The following TENM3 variants were observed in gnomAD, a reference collection of about 807,000 sequenced individuals.
The protein encoded by TENM3 is teneurin-3.
In TENM3, 63 loss-of-function variants were observed where a neutral mutation model predicts 255.1. The ratio of observed to expected loss-of-function variants is 0.25; its 90% CI spans 0.20 to 0.30. The LOEUF (loss-of-function observed/expected upper bound fraction) is 0.30, where lower values mean the gene tolerates loss of function less well. Ranked by LOEUF, TENM3 falls within the 10% of genes least tolerant of loss-of-function variation. TENM3 has a pLI of 1.00. For missense variants in TENM3, 2,929 were observed against 3,461.1 expected (o/e 0.85, Z 3.86); for synonymous variants, 1,306 against 1,322.3 (o/e 0.99, Z 0.27).
At chr4:182,026,303 G>C in the TENM3 span, among the ~76,000 whole-genome samples, 1 of 151,974 alleles carries the variant, frequency 6.6e-6, no homozygotes, top group Non-Finnish European at 1.5e-5. Context: ...ATTTTTAATT[G>C]GATTGTTAGA....
chr4:181,697,891 T>G, the TENM3 span, among the ~76,000 whole-genome samples: 1 of 151,790 alleles, frequency 6.6e-6, no homozygotes, highest in Non-Finnish European at 1.5e-5. Context: ...TCCTAATATC[T>G]AAAAAAAGCA....
chr4:181,926,648 T>C, the TENM3 span, among the ~76,000 whole-genome samples: 1 of 152,156 alleles, frequency 6.6e-6, no homozygotes, highest in East Asian at 1.9e-4. Flanking sequence ...TGGAGCTTTC[T>C]ATAATTCAGA....
At chr4:181,551,297 G>A in the TENM3 span, among the ~76,000 whole-genome samples, 19,515 of 145,954 alleles carry the variant, frequency 0.13, 1,431 homozygotes, top group Middle Eastern at 0.27. Context: ...TGAGAATGAG[G>A]ATTTCTTTTT....
chr4:181,623,544 G>A, the TENM3 span, among the ~76,000 whole-genome samples: 7 of 152,176 alleles, frequency 4.6e-5, no homozygotes, highest in Non-Finnish European at 8.8e-5. Flanking sequence ...TGTTACCAAC[G>A]TCAAGGCAAT....
intron 13 of TENM3, among the ~76,000 whole-genome samples, chr4:182,715,719 A>G (rs555304932): frequency 1.3e-5 from 2 of 152,210 alleles, no homozygotes; most frequent in South Asian, 4.1e-4. Context: ...GACCAGAACC[A>G]ACCCCTCAAC....
At chr4:182,583,622 A>T (rs1047053625) in intron 3 of TENM3, among the ~76,000 whole-genome samples, 1 of 152,058 alleles carries the variant, frequency 6.6e-6, no homozygotes, top group Non-Finnish European at 1.5e-5. Flanking sequence ...TATAAGTAAG[A>T]TTCTATTTTT....
intron 3 of TENM3, among the ~76,000 whole-genome samples, chr4:182,413,064 T>C (rs961820095): frequency 6.6e-6 from 1 of 151,922 alleles, no homozygotes; most frequent in Admixed American, 6.6e-5. Context: ...ATACACCTTA[T>C]ATATAAGAAA....
At chr4:182,465,490 C>T (rs1363080539) in intron 3 of TENM3, among the ~76,000 whole-genome samples, 5 of 152,038 alleles carry the variant, frequency 3.3e-5, no homozygotes, top group East Asian at 3.9e-4. Context: ...ATTTCCAGCC[C>T]GTTAGAACTG....
At chr4:182,021,550 A>T in the TENM3 span, among the ~76,000 whole-genome samples, 1 of 152,172 alleles carries the variant, frequency 6.6e-6, no homozygotes, top group African/African-American at 2.4e-5. Context: ...CCTTCCATAG[A>T]ACATCATTCT....
the TENM3 span, among the ~76,000 whole-genome samples, chr4:181,831,160 G>A: frequency 6.6e-6 from 1 of 152,180 alleles, no homozygotes; most frequent in South Asian, 2.1e-4. Context: ...GATTTACTAT[G>A]ACTTACAGAT....
At chr4:182,048,093 C>A in the TENM3 span, among the ~76,000 whole-genome samples, 2 of 152,138 alleles carry the variant, frequency 1.3e-5, no homozygotes, top group Non-Finnish European at 2.9e-5. Context: ...CATATAAGAA[C>A]TCATTTAATC....
the TENM3 span, among the ~76,000 whole-genome samples, chr4:181,472,116 A>G: frequency 6.6e-6 from 1 of 152,164 alleles, no homozygotes; most frequent in Non-Finnish European, 1.5e-5. Flanking sequence ...CCAAGGTGCC[A>G]TATTTTGGGG....
chr4:182,380,746 C>G (rs1373951917), intron 3 of TENM3, among the ~76,000 whole-genome samples: 1 of 152,108 alleles, frequency 6.6e-6, no homozygotes, highest in Non-Finnish European at 1.5e-5. Context: ...ACCAGTTTCC[C>G]GGAATTTAAC....
the TENM3 span, among the ~76,000 whole-genome samples, chr4:181,920,462 A>T: frequency 0.017 from 2,519 of 152,142 alleles, 68 homozygotes; most frequent in African/African-American, 0.057. Flanking sequence ...TGTGGTTTTG[A>T]TTTGCATTTC....
chr4:181,783,831 CT>C, the TENM3 span, among the ~76,000 whole-genome samples: 1 of 152,134 alleles, frequency 6.6e-6, no homozygotes, highest in African/African-American at 2.4e-5. Flanking sequence ...TCCAGAGTCG[CT>C]AGGATTATAA....
chr4:181,963,102 T>C, the TENM3 span, among the ~76,000 whole-genome samples: 2 of 152,208 alleles, frequency 1.3e-5, no homozygotes, highest in East Asian at 3.9e-4. Context: ...TTAGAATCGA[T>C]TTCTTCTGAA....
chr4:182,135,019 A>T, the TENM3 span, among the ~76,000 whole-genome samples: 1 of 151,866 alleles, frequency 6.6e-6, no homozygotes, highest in African/African-American at 2.4e-5. Context: ...CATCCTGGCC[A>T]ACATGGTGAA....
chr4:181,742,661 GTTTTA>G, the TENM3 span, among the ~76,000 whole-genome samples: 1 of 151,336 alleles, frequency 6.6e-6, no homozygotes, highest in African/African-American at 2.4e-5. Flanking sequence ...TTTTTTTGCT[GTTTTA>G]TTTATTTTTA....
chr4:181,978,655 A>C, the TENM3 span, among the ~76,000 whole-genome samples: 1 of 151,138 alleles, frequency 6.6e-6, no homozygotes, highest in Non-Finnish European at 1.5e-5. Flanking sequence ...CAAAAAAAAA[A>C]AAAAGAAAAG....
Sources: allele counts gnomAD v4.1 joint callset (sites outside exome capture counted in the v4.1 genomes callset), GRCh38; gene constraint gnomAD v4.1.1; transcripts MANE v1.5; gene names NCBI Gene and HGNC (gene_info 2026-07-23, HGNC 2026-07-21).